The following SPINK6 variants were observed in gnomAD, a reference collection of about 807,000 sequenced individuals.
SPINK6 encodes the protein serine protease inhibitor Kazal-type 6.
In SPINK6, 13 loss-of-function variants were observed where a neutral mutation model predicts 11.7. The observed-to-expected ratio is 1.11, with a 90% CI of 0.72 to 1.76. The LOEUF (loss-of-function observed/expected upper bound fraction) is 1.76, where lower values mean the gene tolerates loss of function less well. SPINK6 is among the 40% of genes most tolerant of loss of function. The pLI is 0.00. For missense variants in SPINK6, 98 were observed against 93.7 expected (o/e 1.05, Z -0.19); for synonymous variants, 21 against 31.9 (o/e 0.66, Z 1.15).
chr5:148,206,774 A>G (rs780907581), intron 2 of SPINK6, among the ~76,000 whole-genome samples: 5 of 152,146 alleles, frequency 3.3e-5, no homozygotes, highest in Non-Finnish European at 7.4e-5. Context: ...TGTTCTGCCA[A>G]TCCTGTTCCT....
rs1238790654 is a variant in SPINK6, at chr5:148,215,095, T to G, written c.*145T>G. On this transcript the variant is annotated 3_prime_UTR_variant, in exon 4 of 4. Transcript: ENST00000325630. Reference sequence around the variant, plus strand: ...CTTGAGGAGTTCAATGTATGTCTATTTCTCTTGATTCACTTGTCAATAAAG... The same window carrying G: ...CTTGAGGAGTTCAATGTATGTCTATGTCTCTTGATTCACTTGTCAATAAAG... The G allele has an allele frequency of 3.2e-6, 2 of 616,736 alleles. No individual in the cohort carries two copies. The highest frequency in any genetic ancestry group is 5.7e-6 in the Non-Finnish European group (2 of 353,454). The allele number at this position is 616,736 out of a possible 1,614,324, so 38.2% of individuals were successfully genotyped here. A position where few individuals can be genotyped will look rare whatever the true frequency, so the allele number is the denominator to read the frequency against.
chr5:148,212,575 TA>T (rs1365896487), intron 2 of SPINK6, among the ~76,000 whole-genome samples: 12 of 109,642 alleles, frequency 1.1e-4, no homozygotes, highest in African/African-American at 4.5e-4. Flanking sequence ...ATATATTATA[TA>T]TTATATAAAT....
intron 2 of SPINK6, among the ~76,000 whole-genome samples, chr5:148,209,991 T>TACACCGTACGTATGTATGTATAC (rs1398978551): frequency 6.9e-6 from 1 of 145,404 alleles, no homozygotes; most frequent in East Asian, 2.4e-4. Context: ...TATGTATACA[T>TACACCGTACGTATGTATGTATAC]ATACACGTAT....
chr5:148,206,203 C>T, intron 2 of SPINK6, 145 bp downstream of exon 2: 1 of 752,120 alleles, frequency 1.3e-6, no homozygotes, highest in Non-Finnish European at 2.2e-6. Flanking sequence ...AATTATTATT[C>T]TTTAACTAAA....
chr5:148,211,346 A>G lies in SPINK6; in HGVS notation c.82-2564A>G, dbSNP rs557185304. On this transcript the variant is annotated intron_variant, in intron 2 of 3. Coordinates refer to ENST00000325630, the MANE Select transcript of SPINK6 (RefSeq NM_205841.4). The stretch of plus-strand genomic sequence containing the variant: ...TGATAAATCTTGAACCATCAAAGCT[A>G]GAAGAGTCCCAGGATACCATTTAAT... Among the ~76,000 whole-genome samples, 6 of 152,338 alleles carry G rather than the reference A, an allele frequency of 3.9e-5. No individual in the cohort carries two copies. The East Asian group carries it at 1.2e-3, about 29-fold the overall frequency.
intron 2 of SPINK6, among the ~76,000 whole-genome samples, chr5:148,212,664 AT>A (rs1282157787): frequency 0.012 from 1,356 of 110,704 alleles, 37 homozygotes; most frequent in African/African-American, 0.043. Flanking sequence ...ATATTTATAT[AT>A]TTATATAATA....
At chr5:148,206,780 T>C (rs1486558094) in intron 2 of SPINK6, among the ~76,000 whole-genome samples, 4 of 152,208 alleles carry the variant, frequency 2.6e-5, no homozygotes, top group African/African-American at 9.6e-5. Flanking sequence ...GCCAATCCTG[T>C]TCCTTTGTCC....
intron 1 of SPINK6, among the ~76,000 whole-genome samples, chr5:148,204,293 A>T (rs1192819861): frequency 6.6e-6 from 1 of 152,022 alleles, no homozygotes; most frequent in Non-Finnish European, 1.5e-5. Context: ...AAGCCAAATA[A>T]CCTTAATGGG....
rs1554112233 is a variant in SPINK6 at position 148,209,968 on chromosome 5, A to ATACGTACGTATG, written c.81+3913_81+3924dup. 2.6e-3 allele frequency among the ~76,000 whole-genome samples: 389 copies of ATACGTACGTATG among 150,440 alleles called. 17 individuals carry two copies. The highest frequency in any genetic ancestry group is 8.9e-3 in the African/African-American group (359 of 40,344). On this transcript the variant is annotated intron_variant, in intron 2 of 3. Transcript: ENST00000325630. ...AGGTTTCATATATATGTATACATAC[A>ATACGTACGTATG]TACGTACGTATGTATGTATACATAT...
intron 1 of SPINK6, 37 bp from the exon 2 acceptor site, chr5:148,205,999 T>A: frequency 6.2e-7 from 1 of 1,612,338 alleles, no homozygotes; most frequent in East Asian, 2.2e-5. Context: ...TGTACATCAA[T>A]GAATTACAGT....
Position 148,210,008 on chromosome 5 carries a change from A to ATACACACGTACGTATGTATG in SPINK6, c.82-3901_82-3900insACACACGTACGTATGTATGT, listed in dbSNP as rs1755558618. ...TGTATACATATACACGTATGTATAC[A>ATACACACGTACGTATGTATG]TGTATGTACGCATGTACGCATGCAC... On this transcript the variant is annotated intron_variant, in intron 2 of 3. Coordinates refer to ENST00000325630, the MANE Select transcript of SPINK6 (RefSeq NM_205841.4). Among the ~76,000 whole-genome samples the ATACACACGTACGTATGTATG allele has an allele frequency of 1.5e-5, 2 of 133,368 alleles. 1 individual carries two copies. Among genetic ancestry groups the ATACACACGTACGTATGTATG allele is most frequent in the African/African-American group, 5.3e-5 (2 of 37,814 alleles). The allele number at this position is 133,368 out of a possible 152,430, so 87.5% of individuals were successfully genotyped here.
chr5:148,209,741 G>A (rs1401173334), intron 2 of SPINK6, among the ~76,000 whole-genome samples: 1 of 151,974 alleles, frequency 6.6e-6, no homozygotes, highest in African/African-American at 2.4e-5. Context: ...AGAAAATGAG[G>A]TAAAGCAATG....
chr5:148,213,601 TA>T (rs1344434363), intron 2 of SPINK6, among the ~76,000 whole-genome samples: 1 of 152,110 alleles, frequency 6.6e-6, no homozygotes, highest in Admixed American at 6.5e-5. Context: ...TGGAATAGTT[TA>T]ATGTTGGAGC....
rs1434826465 is a variant in SPINK6 at position 148,210,005 on chromosome 5, T to TGTATACACAC, written c.82-3905_82-3904insGTATACACAC. Among the ~76,000 whole-genome samples, 11 of 133,256 alleles carry TGTATACACAC rather than the reference T, an allele frequency of 8.3e-5. 1 individual carries two copies. The highest frequency in any genetic ancestry group is 2.8e-4 in the African/African-American group (10 of 36,166). The allele number at this position is 133,256 out of a possible 152,430, so 87.4% of individuals were successfully genotyped here. ...GTATGTATACATATACACGTATGTATACATGTATGTACGCATGTACGCATG... is the reference window on the plus strand; with the variant it reads ...GTATGTATACATATACACGTATGTATGTATACACACACATGTATGTACGCATGTACGCATG... On this transcript the variant is annotated intron_variant, in intron 2 of 3. Coordinates refer to ENST00000325630, the MANE Select transcript of SPINK6 (RefSeq NM_205841.4).
intron 2 of SPINK6, among the ~76,000 whole-genome samples, chr5:148,211,855 G>C (rs1299156435): frequency 2.0e-5 from 3 of 152,178 alleles, no homozygotes; most frequent in Non-Finnish European, 4.4e-5. Context: ...TGTGGGTTCA[G>C]TTGTGCTAGG....
At chr5:148,209,977 T>C (rs533983081) in intron 2 of SPINK6, among the ~76,000 whole-genome samples, 4 of 140,310 alleles carry the variant, frequency 2.9e-5, no homozygotes, top group East Asian at 6.8e-4. Flanking sequence ...CATACGTACG[T>C]ATGTATGTAT....
intron 2 of SPINK6, among the ~76,000 whole-genome samples, chr5:148,212,632 ATT>A (rs1755623101): frequency 2.9e-5 from 3 of 102,206 alleles, no homozygotes; most frequent in East Asian, 2.8e-4. Context: ...TATATTATAT[ATT>A]ATATATAATA....
At chr5:148,203,203 A>T in intron 1 of SPINK6, 49 bp downstream of exon 1, 1 of 1,325,140 alleles carries the variant, frequency 7.5e-7, no homozygotes, top group East Asian at 2.3e-5. Context: ...TGAACTGGAT[A>T]TGATGAGTAG....
At chr5:148,204,451 T>C (rs959323767) in intron 1 of SPINK6, among the ~76,000 whole-genome samples, 46 of 150,086 alleles carry the variant, frequency 3.1e-4, no homozygotes, top group African/African-American at 1.1e-3. Context: ...GGTTGACTAA[T>C]ACAGTTTACC....
Sources: allele counts gnomAD v4.1 joint callset (sites outside exome capture counted in the v4.1 genomes callset), GRCh38; gene constraint gnomAD v4.1.1; transcripts MANE v1.5; gene names NCBI Gene and HGNC (gene_info 2026-07-23, HGNC 2026-07-21).